KCNB2: variants seen among roughly 807,000 people sequenced by gnomAD.
The protein encoded by KCNB2 is delayed rectifier potassium channel protein.
In KCNB2, 15 loss-of-function variants were observed where a neutral mutation model predicts 61.5. That is an observed-to-expected ratio of 0.24 (90% CI 0.16 to 0.38). The LOEUF (loss-of-function observed/expected upper bound fraction) is 0.38, where lower values mean the gene tolerates loss of function less well. Ranked by LOEUF, KCNB2 falls within the 10% of genes least tolerant of loss-of-function variation. KCNB2 has a pLI of 1.00. For synonymous variants in KCNB2, 457 were observed against 446.0 expected, an observed-to-expected ratio of 1.02 and a Z score of -0.31; for missense variants, 828 against 1,125.2, an observed-to-expected ratio of 0.74 and a Z score of 3.78.
intron 2 of KCNB2, among the ~76,000 whole-genome samples, chr8:72,650,143 TGTGGGGAAAAAATA>T (rs1198703322): frequency 6.6e-6 from 1 of 152,198 alleles, no homozygotes; most frequent in Non-Finnish European, 1.5e-5. Flanking sequence ...AATATGTGTT[TGTGGGGAAAAAATA>T]GTTAAGTAAC....
chr8:72,760,290 C>G (rs976858914), intron 2 of KCNB2, among the ~76,000 whole-genome samples: 1 of 152,200 alleles, frequency 6.6e-6, no homozygotes, highest in Admixed American at 6.5e-5. Context: ...AACTACCTAT[C>G]AGGCTGCTGT....
At chr8:72,792,963 A>T (rs1367925914) in intron 2 of KCNB2, among the ~76,000 whole-genome samples, 1 of 152,218 alleles carries the variant, frequency 6.6e-6, no homozygotes, top group African/African-American at 2.4e-5. Context: ...AAAATGAACA[A>T]TAACACCCTT....
At chr8:72,818,736 C>T (rs904966072) in intron 2 of KCNB2, among the ~76,000 whole-genome samples, 1 of 152,166 alleles carries the variant, frequency 6.6e-6, no homozygotes, top group African/African-American at 2.4e-5. Context: ...TCCTCTTCTA[C>T]TCCTCCTGAT....
At chr8:72,765,238 T>C (rs1042910096) in intron 2 of KCNB2, among the ~76,000 whole-genome samples, 4 of 152,204 alleles carry the variant, frequency 2.6e-5, no homozygotes, top group African/African-American at 4.8e-5. Context: ...TTTCCTCCTA[T>C]TGGGGAGATA....
At chr8:72,637,492 A>C (rs1805985163) in intron 2 of KCNB2, among the ~76,000 whole-genome samples, 1 of 152,172 alleles carries the variant, frequency 6.6e-6, no homozygotes, top group Admixed American at 6.5e-5. Context: ...CTAATGAATC[A>C]GGAAGCCTGT....
intron 2 of KCNB2, among the ~76,000 whole-genome samples, chr8:72,680,797 G>T (rs1219034352): frequency 6.6e-6 from 1 of 152,120 alleles, no homozygotes; most frequent in Non-Finnish European, 1.5e-5. Flanking sequence ...CCTACTGCCT[G>T]GGTTTACATT....
At chr8:72,653,365 A>G (rs577149430) in intron 2 of KCNB2, among the ~76,000 whole-genome samples, 14 of 152,260 alleles carry the variant, frequency 9.2e-5, no homozygotes, top group African/African-American at 2.9e-4. Flanking sequence ...TTCTCAAGGA[A>G]TAGTTCCTCA....
At chr8:72,779,774 T>C (rs1808723465) in intron 2 of KCNB2, among the ~76,000 whole-genome samples, 1 of 152,180 alleles carries the variant, frequency 6.6e-6, no homozygotes, top group African/African-American at 2.4e-5. Flanking sequence ...TTGAATGATA[T>C]TGAGGGTAAG....
intron 2 of KCNB2, among the ~76,000 whole-genome samples, chr8:72,843,650 T>C (rs1478760945): frequency 1.3e-5 from 2 of 152,244 alleles, no homozygotes; most frequent in Middle Eastern, 3.2e-3. Context: ...TTTAGGATAG[T>C]TGGCTCTTCC....
At chr8:72,920,562 G>C (rs1301093454) in intron 2 of KCNB2, among the ~76,000 whole-genome samples, 1 of 148,424 alleles carries the variant, frequency 6.7e-6, no homozygotes, top group African/African-American at 2.5e-5. Context: ...AGGATGGCTT[G>C]AGCCCAGAAG....
chr8:72,919,608 G>A (rs945589081), intron 2 of KCNB2, among the ~76,000 whole-genome samples: 1 of 152,202 alleles, frequency 6.6e-6, no homozygotes, highest in Non-Finnish European at 1.5e-5. Flanking sequence ...CATGGCCACA[G>A]GCTATGATGG....
At chr8:72,568,565 G>A (rs550072970) in intron 2 of KCNB2, among the ~76,000 whole-genome samples, 6 of 152,324 alleles carry the variant, frequency 3.9e-5, no homozygotes, top group African/African-American at 1.4e-4. Context: ...GAGGATGAAA[G>A]AGAGTCCTGG....
At chr8:72,607,176 T>C (rs1040232292) in intron 2 of KCNB2, among the ~76,000 whole-genome samples, 1 of 152,100 alleles carries the variant, frequency 6.6e-6, no homozygotes, top group African/African-American at 2.4e-5. Flanking sequence ...TGGGCAGTGG[T>C]AATGCTAAAG....
intron 2 of KCNB2, among the ~76,000 whole-genome samples, chr8:72,703,444 C>T (rs1807167215): frequency 3.3e-5 from 5 of 152,160 alleles, no homozygotes; most frequent in Admixed American, 2.0e-4. Flanking sequence ...TGGTCTAGAG[C>T]TAGGGTGATC....
At chr8:72,830,895 G>C (rs1809682806) in intron 2 of KCNB2, among the ~76,000 whole-genome samples, 1 of 152,230 alleles carries the variant, frequency 6.6e-6, no homozygotes, top group Admixed American at 6.5e-5. Flanking sequence ...GAATGAGGAG[G>C]AGATTGAGAT....
At chr8:72,746,408 A>G (rs992984602) in intron 2 of KCNB2, among the ~76,000 whole-genome samples, 1 of 152,210 alleles carries the variant, frequency 6.6e-6, no homozygotes, top group African/African-American at 2.4e-5. Context: ...TGTCCTTAAC[A>G]TTTAGAACCA....
At chr8:72,899,437 C>G (rs1490998505) in intron 2 of KCNB2, among the ~76,000 whole-genome samples, 1 of 152,134 alleles carries the variant, frequency 6.6e-6, no homozygotes, top group African/African-American at 2.4e-5. Flanking sequence ...GGAAGTCCAA[C>G]TATCTCCCTT....
At chr8:72,624,452 A>C (rs1379521073) in intron 2 of KCNB2, among the ~76,000 whole-genome samples, 1 of 152,190 alleles carries the variant, frequency 6.6e-6, no homozygotes, top group East Asian at 1.9e-4. Flanking sequence ...TCTGTGGTAC[A>C]TTGTGATATC....
intron 2 of KCNB2, among the ~76,000 whole-genome samples, chr8:72,933,578 TC>T (rs1806835616): frequency 6.6e-6 from 1 of 152,164 alleles, no homozygotes; most frequent in Non-Finnish European, 1.5e-5. Flanking sequence ...CAGCGTGACC[TC>T]CCGAAAAAAT....
Sources: gnomAD v4.1 joint callset for allele counts (sites outside exome capture counted in the v4.1 genomes callset) on GRCh38, gnomAD v4.1.1 for gene constraint, MANE v1.5 for transcripts, NCBI Gene and HGNC (gene_info 2026-07-23, HGNC 2026-07-21) for gene names.